COL25A1: variants seen among roughly 807,000 people sequenced by gnomAD.
COL25A1 encodes the protein collagen type XXV alpha 1 chain.
Under a neutral mutation model 128.4 loss-of-function variants are expected in COL25A1, and 103 were observed. The ratio of observed to expected loss-of-function variants is 0.80; its 90% CI spans 0.68 to 0.94. The LOEUF is 0.94. Ranked by LOEUF, COL25A1 falls within the 40% of genes least tolerant of loss-of-function variation. The probability of loss-of-function intolerance (pLI) is 0.00; values close to 1 mark genes in which losing one functional copy is unlikely to be tolerated. For missense variants in COL25A1, 745 were observed against 840.0 expected, an observed-to-expected ratio of 0.89 and a Z score of 1.40; for synonymous variants, 279 against 277.2, an observed-to-expected ratio of 1.01 and a Z score of -0.06.
chr4:108,889,106 C>T (rs1403017842), intron 18 of COL25A1, 115 bp downstream of exon 18: 2 of 1,010,720 alleles, frequency 2.0e-6, no homozygotes, highest in African/African-American at 3.2e-5. Flanking sequence ...CTCTGTAATG[C>T]AAAACATGAA....
chr4:109,145,284 G>T (rs1208047200), intron 3 of COL25A1, among the ~76,000 whole-genome samples: 1 of 151,968 alleles, frequency 6.6e-6, no homozygotes, highest in East Asian at 1.9e-4. Flanking sequence ...AGCCAGGATG[G>T]TCTTGATCTC....
chr4:109,110,293 TCA>T (rs1466097112), intron 3 of COL25A1, among the ~76,000 whole-genome samples: 2 of 152,300 alleles, frequency 1.3e-5, no homozygotes, highest in African/African-American at 4.8e-5. Context: ...CCAGGAAGCC[TCA>T]TTTATTCTCT....
At chr4:109,168,773 T>G (rs1208967396) in intron 3 of COL25A1, among the ~76,000 whole-genome samples, 1 of 152,142 alleles carries the variant, frequency 6.6e-6, no homozygotes, top group Admixed American at 6.5e-5. Flanking sequence ...CAGAAAGTAT[T>G]ATAGGCATCT....
rs571377367 is a variant in COL25A1 at position 109,202,950 on chromosome 4, G to A, written c.367+97633C>T. On this transcript the variant is annotated intron_variant, in intron 3 of 37. Coordinates refer to ENST00000399132, the MANE Select transcript of COL25A1 (RefSeq NM_198721.4). ...GCAGCCAGGGGAGAGAAAGAGAGAA[G>A]CAGGAGGAAGGAGAGAATGAGAATG... is the stretch of plus-strand genomic sequence containing the variant. Among the ~76,000 whole-genome samples the A allele has an allele frequency of 1.5e-4, 23 of 152,112 alleles. No homozygotes were observed. In the South Asian group the frequency reaches 4.8e-3, roughly 32 times the overall value.
At chr4:109,057,681 C>T (rs10034904) in intron 3 of COL25A1, among the ~76,000 whole-genome samples, 3,551 of 152,150 alleles carry the variant, frequency 0.023, 98 homozygotes, top group African/African-American at 0.064. Context: ...TAATTCTCAA[C>T]ATTATGTGAT....
chr4:108,896,346 A>T (rs941004599), intron 16 of COL25A1, among the ~76,000 whole-genome samples: 1 of 152,138 alleles, frequency 6.6e-6, no homozygotes, highest in East Asian at 1.9e-4. Context: ...ATACCTGCGC[A>T]TAAAGGGAGC....
intron 6 of COL25A1, among the ~76,000 whole-genome samples, chr4:108,987,832 C>G (rs1753799823): frequency 6.6e-6 from 1 of 152,194 alleles, no homozygotes; most frequent in Non-Finnish European, 1.5e-5. Flanking sequence ...CTCACAATCT[C>G]TATAGCAATC....
At chr4:108,875,694 C>T (rs1408330877) in intron 19 of COL25A1, among the ~76,000 whole-genome samples, 1 of 152,154 alleles carries the variant, frequency 6.6e-6, no homozygotes, top group Non-Finnish European at 1.5e-5. Flanking sequence ...CCATTTGACA[C>T]AGCAATCTCA....
Position 109,204,915 on chromosome 4 carries a change from T to C in COL25A1, c.367+95668A>G, listed in dbSNP as rs138092945. On this transcript the variant is annotated intron_variant, in intron 3 of 37. Transcript: ENST00000399132. ...GCAGTTCTGATTCTACCATGGCTGA[T>C]AAATTTGATTTTGTACTATAGAGTA... 8.5e-5 allele frequency among the ~76,000 whole-genome samples: 13 copies of C among 152,308 alleles called. No homozygotes were observed. The East Asian group carries it at 1.5e-3, about 18-fold the overall frequency.
At chr4:108,955,089 G>A (rs141748434) in intron 8 of COL25A1, among the ~76,000 whole-genome samples, 34 of 151,758 alleles carry the variant, frequency 2.2e-4, no homozygotes, top group African/African-American at 7.5e-4. Flanking sequence ...TCACATATGT[G>A]GTTAAAAAAT....
At chr4:108,902,782 T>A (rs1444577040) in intron 13 of COL25A1, among the ~76,000 whole-genome samples, 1 of 151,866 alleles carries the variant, frequency 6.6e-6, no homozygotes, top group Non-Finnish European at 1.5e-5. Context: ...TGGGAAAAAA[T>A]GTTGACTTAG....
At chr4:109,197,440 AT>A (rs1560850408) in intron 3 of COL25A1, among the ~76,000 whole-genome samples, 1 of 123,964 alleles carries the variant, frequency 8.1e-6, no homozygotes, top group Non-Finnish European at 1.6e-5. Flanking sequence ...AATATTATAT[AT>A]TATATATATT....
At chr4:108,991,241 G>A (rs146062955) in intron 6 of COL25A1, among the ~76,000 whole-genome samples, 1,685 of 152,154 alleles carry the variant, frequency 0.011, 35 homozygotes, top group African/African-American at 0.038. Context: ...AGAAAACATA[G>A]CATAAAGTAG....
chr4:109,079,683 G>GA (rs201498962), intron 3 of COL25A1, among the ~76,000 whole-genome samples: 40 of 151,020 alleles, frequency 2.6e-4, no homozygotes, highest in East Asian at 1.8e-3. Context: ...CAAAACTTAA[G>GA]AAAAAAAAAT....
intron 24 of COL25A1, among the ~76,000 whole-genome samples, 196 bp downstream of exon 24, chr4:108,859,460 G>C (rs1736904759): frequency 6.6e-6 from 1 of 152,170 alleles, no homozygotes; most frequent in Admixed American, 6.5e-5. Flanking sequence ...AGAAATGATT[G>C]AAAAATGCTA....
At position 108,819,337 on chromosome 4, in the gene COL25A1, TA is replaced by T; in HGVS notation, c.1846-9del. On this transcript the variant is annotated splice_polypyrimidine_tract_variant and intron_variant, in intron 35 of 37. Transcript: ENST00000399132. ...CTTAACGCCACGGAATCCCTGTTTG[TA>T]AAGATTAACTCATAATGTTACTAAC... The T allele has an allele frequency of 6.2e-7, 1 of 1,609,668 alleles. No individual in the cohort carries two copies. The highest frequency in any genetic ancestry group is 8.5e-7 in the Non-Finnish European group (1 of 1,177,554).
intron 20 of COL25A1, among the ~76,000 whole-genome samples, chr4:108,867,551 T>G (rs1738084778): frequency 6.6e-6 from 1 of 152,120 alleles, no homozygotes; most frequent in Non-Finnish European, 1.5e-5. Flanking sequence ...GGAGTTTCAG[T>G]CCCCCCTAGG....
At chr4:108,998,836 A>T (rs1755047798) in intron 6 of COL25A1, among the ~76,000 whole-genome samples, 1 of 152,218 alleles carries the variant, frequency 6.6e-6, no homozygotes, top group African/African-American at 2.4e-5. Flanking sequence ...CTGATCTTTG[A>T]CAAGCCTGAC....
chr4:108,885,603 A>G (rs77392124), intron 18 of COL25A1, among the ~76,000 whole-genome samples: 11,812 of 152,224 alleles, frequency 0.078, 566 homozygotes, highest in Non-Finnish European at 0.092. Context: ...ATCTTCTTTT[A>G]CTTTCTCTTT....
Sources: gnomAD v4.1 joint callset for allele counts (sites outside exome capture counted in the v4.1 genomes callset) on GRCh38, gnomAD v4.1.1 for gene constraint, MANE v1.5 for transcripts, NCBI Gene and HGNC (gene_info 2026-07-23, HGNC 2026-07-21) for gene names.